Variants in PCDHA11 observed in about 807,000 individuals in gnomAD.
PCDHA11 encodes the protein protocadherin alpha 11.
Under a neutral mutation model 70.3 loss-of-function variants are expected in PCDHA11, and 61 were observed. The observed-to-expected ratio is 0.87, with a 90% confidence interval of 0.71 to 1.07. The LOEUF (loss-of-function observed/expected upper bound fraction) is 1.07. Among genes scored for constraint, PCDHA11 ranks in the 50% least tolerant of loss-of-function variants. PCDHA11 has a pLI of 0.00. For missense variants in PCDHA11, 1,324 were observed against 1,237.5 expected (o/e 1.07, Z -1.05); for synonymous variants, 633 against 555.1 (o/e 1.14, Z -1.97).
intron 1 of PCDHA11, among the ~76,000 whole-genome samples, chr5:140,881,751 A>G (rs974973794): frequency 6.6e-6 from 1 of 152,206 alleles, no homozygotes; most frequent in Non-Finnish European, 1.5e-5. Flanking sequence ...GGACAGTACC[A>G]CAAAAACCTA....
intron 1 of PCDHA11, chr5:140,969,117 A>C (rs1554231477): frequency 6.2e-7 from 1 of 1,614,178 alleles, no homozygotes; most frequent in Admixed American, 1.7e-5. Flanking sequence ...GTTCGAGGGA[A>C]TGGCTCCCTC....
At chr5:140,984,453 T>C (rs2097104309) in intron 3 of PCDHA11, among the ~76,000 whole-genome samples, 1 of 152,254 alleles carries the variant, frequency 6.6e-6, no homozygotes, top group South Asian at 2.1e-4. Flanking sequence ...CCTTTCTTAC[T>C]GTCCCAGCCC....
rs782316296 is a variant in PCDHA11 at position 140,927,382 on chromosome 5, AG to A, written c.2392-51566del. Reference sequence around the variant, plus strand: ...CAATGGGATACTAAGCTACAGCCTAAGCCCCAGTCAGCACTTTCGCCTGGAC... The same window carrying A: ...CAATGGGATACTAAGCTACAGCCTAACCCCAGTCAGCACTTTCGCCTGGAC... On this transcript the variant is annotated intron_variant, in intron 1 of 3. Coordinates refer to ENST00000398640, the MANE Select transcript of PCDHA11 (RefSeq NM_018902.5). 6 of 1,614,012 alleles carry A rather than the reference AG, an allele frequency of 3.7e-6. No homozygotes were observed. The African/African-American group carries it at 8.0e-5, about 22-fold the overall frequency.
intron 1 of PCDHA11, among the ~76,000 whole-genome samples, chr5:140,925,799 C>G (rs1200619545): frequency 6.6e-6 from 1 of 151,996 alleles, no homozygotes; most frequent in Non-Finnish European, 1.5e-5. Flanking sequence ...CAGTACTTTC[C>G]CCTCCACTTC....
At chr5:140,933,003 G>A (rs1466484630) in intron 1 of PCDHA11, among the ~76,000 whole-genome samples, 5 of 151,902 alleles carry the variant, frequency 3.3e-5, no homozygotes, top group East Asian at 1.9e-4. Flanking sequence ...TATGAATATC[G>A]GAAATATTAA....
intron 1 of PCDHA11, among the ~76,000 whole-genome samples, chr5:140,918,821 GC>G (rs35355209): frequency 0.76 from 114,950 of 152,064 alleles, 44,573 homozygotes; most frequent in African/African-American, 0.94. Flanking sequence ...CCAAAAAGTG[GC>G]CCCCTCCCCA....
intron 1 of PCDHA11, chr5:140,968,319 TCAC>T: frequency 6.2e-7 from 1 of 1,613,996 alleles, no homozygotes; most frequent in East Asian, 2.2e-5. Flanking sequence ...GGGCTGCCAG[TCAC>T]CTCCTATGTC....
chr5:140,896,453 C>T (rs782013950), intron 1 of PCDHA11, among the ~76,000 whole-genome samples: 3 of 152,106 alleles, frequency 2.0e-5, no homozygotes, highest in Non-Finnish European at 2.9e-5. Context: ...ACCTCCACCT[C>T]CTGGGTTCAA....
intron 3 of PCDHA11, among the ~76,000 whole-genome samples, chr5:141,007,506 T>A (rs1370245633): frequency 6.6e-6 from 1 of 151,948 alleles, no homozygotes; most frequent in Non-Finnish European, 1.5e-5. Flanking sequence ...AGGCAGAGAC[T>A]GCAGTGAGCT....
At chr5:140,876,510 T>C in intron 1 of PCDHA11, 1 of 1,614,038 alleles carries the variant, frequency 6.2e-7, no homozygotes, top group Non-Finnish European at 8.5e-7. Flanking sequence ...TGAATGACAA[T>C]GTCCCTGAAG....
At chr5:140,967,555 C>G (rs782586326) in intron 1 of PCDHA11, 3 of 1,614,008 alleles carry the variant, frequency 1.9e-6, no homozygotes, top group Non-Finnish European at 2.5e-6. Context: ...CCACTTATCG[C>G]GTCCAGCTAC....
intron 1 of PCDHA11, among the ~76,000 whole-genome samples, chr5:140,919,051 T>G (rs1443609855): frequency 1.3e-5 from 2 of 152,238 alleles, no homozygotes; most frequent in Non-Finnish European, 2.9e-5. Flanking sequence ...TTATTGGAAG[T>G]GGAGTATTAA....
intron 1 of PCDHA11, among the ~76,000 whole-genome samples, chr5:140,917,793 G>A (rs1405580492): frequency 6.6e-6 from 1 of 152,082 alleles, no homozygotes; most frequent in African/African-American, 2.4e-5. Flanking sequence ...TTTGGTTACT[G>A]TAGCCTTGCA....
intron 1 of PCDHA11, among the ~76,000 whole-genome samples, chr5:140,887,318 G>A (rs1485206878): frequency 6.6e-6 from 1 of 152,010 alleles, no homozygotes; most frequent in Non-Finnish European, 1.5e-5. Context: ...GGATAGTCTC[G>A]AACTCCTGAC....
At chr5:140,970,693 G>C (rs2096425356) in intron 1 of PCDHA11, among the ~76,000 whole-genome samples, 1 of 152,134 alleles carries the variant, frequency 6.6e-6, no homozygotes, top group South Asian at 2.1e-4. Flanking sequence ...AGGGCTTTTA[G>C]AGCTACTACA....
Position 140,884,183 on chromosome 5 carries a change from G to T in PCDHA11, c.2391+12689G>T, listed in dbSNP as rs201206731. 6.2e-6 allele frequency: 10 copies of T among 1,613,306 alleles called. No individual in the cohort carries two copies. The East Asian group carries it at 6.7e-5, about 11-fold the overall frequency. The stretch of plus-strand genomic sequence containing the variant: ...GATCAGCACGACGCGCCCTCTGGAC[G>T]AGGTGGACGCGCCGCACCACCGCCT... On this transcript the variant is annotated intron_variant, in intron 1 of 3. Transcript: ENST00000398640.
chr5:140,995,709 G>C (rs1279829164), intron 3 of PCDHA11, among the ~76,000 whole-genome samples: 6 of 152,162 alleles, frequency 3.9e-5, no homozygotes, highest in African/African-American at 1.4e-4. Flanking sequence ...GCTGGGCTTG[G>C]AAATGTTCTT....
chr5:140,997,834 C>T (rs1385482729), intron 3 of PCDHA11, among the ~76,000 whole-genome samples: 2 of 152,106 alleles, frequency 1.3e-5, no homozygotes, highest in Non-Finnish European at 2.9e-5. Context: ...CTAAACAATA[C>T]AATATACATT....
intron 1 of PCDHA11, chr5:140,968,070 A>T: frequency 6.2e-7 from 1 of 1,614,152 alleles, no homozygotes; most frequent in Non-Finnish European, 8.5e-7. Context: ...GTGGCTGTCT[A>T]CAACATCACG....
Sources: allele counts gnomAD v4.1 joint callset (sites outside exome capture counted in the v4.1 genomes callset), GRCh38; gene constraint gnomAD v4.1.1; transcripts MANE v1.5; gene names NCBI Gene and HGNC (gene_info 2026-07-23, HGNC 2026-07-21).